Variants in ADGRL2 observed in about 807,000 individuals in gnomAD.
ADGRL2 encodes adhesion G protein-coupled receptor L2.
In ADGRL2, 44 loss-of-function variants were observed where a neutral mutation model predicts 157.4. That is an observed-to-expected ratio of 0.28 (90% CI 0.22 to 0.36). The LOEUF (loss-of-function observed/expected upper bound fraction) is 0.36, where lower values mean the gene tolerates loss of function less well. Ranked by LOEUF, ADGRL2 falls within the 10% of genes least tolerant of loss-of-function variation. The pLI is 1.00. For synonymous variants in ADGRL2, 585 were observed against 624.7 expected (o/e 0.94, Z 0.95); for missense variants, 1,510 against 1,768.9 (o/e 0.85, Z 2.63).
chr1:81,894,913 G>A (rs74961718), intron 2 of ADGRL2, among the ~76,000 whole-genome samples: 4,127 of 152,024 alleles, frequency 0.027, 174 homozygotes, highest in African/African-American at 0.094. Context: ...GCCTTAAGTG[G>A]GTAAAAGGTT....
At chr1:81,798,450 A>C (rs2087703338), upstream of ADGRL2, among the ~76,000 whole-genome samples, 1 of 152,206 alleles carries the variant, frequency 6.6e-6, no homozygotes, top group Non-Finnish European at 1.5e-5. Context: ...CAGTATTCTT[A>C]AATGTAATTT....
intron 3 of ADGRL2, among the ~76,000 whole-genome samples, chr1:81,686,847 T>C (rs1049215276): frequency 1.3e-5 from 2 of 152,158 alleles, no homozygotes; most frequent in African/African-American, 4.8e-5. Context: ...TAATTGTCAT[T>C]CAGTTTGAAT....
chr1:81,428,482 G>A (rs1296532603), intron 1 of ADGRL2, among the ~76,000 whole-genome samples: 1 of 152,130 alleles, frequency 6.6e-6, no homozygotes, highest in African/African-American at 2.4e-5. Context: ...GAGAAGAGGT[G>A]TACACATTTA....
At chr1:81,856,332 C>T (rs2150642674) in intron 2 of ADGRL2, among the ~76,000 whole-genome samples, 1 of 152,232 alleles carries the variant, frequency 6.6e-6, no homozygotes, top group South Asian at 2.1e-4. Context: ...TTCTCTAGCT[C>T]TGGAATTGCT....
intron 1 of ADGRL2, among the ~76,000 whole-genome samples, chr1:81,388,603 G>A (rs1318463602): frequency 1.3e-5 from 2 of 152,112 alleles, no homozygotes; most frequent in African/African-American, 2.4e-5. Flanking sequence ...ATGAGTGAAT[G>A]TCCTTGTAAA....
rs1387173688 is a variant in ADGRL2 at position 81,991,002 on chromosome 1, C to G, written c.4267C>G (p.Leu1423Val). 6.2e-7 allele frequency: 1 copy of G among 1,614,040 alleles called. No individual in the cohort carries two copies. Among genetic ancestry groups the G allele is most frequent in the South Asian group, 1.1e-5 (1 of 91,084 alleles). Residue 1423 changes from leucine to valine, a missense_variant, in exon 24 of 24, where the codon CTT becomes GTT. Physicochemically the swap from Leu to Val is conservative, Grantham distance 32. Transcript: ENST00000686636. Reference protein sequence around the residue: ...EDIYYKSMPNLGAGHQLQMCY... With the variant: ...EDIYYKSMPNVGAGHQLQMCY... ...CATTTACTATAAAAGCATGCCAAAT[C>G]TTGGAGCTGGCCATCAGCTTCAGAT...
intron 2 of ADGRL2, among the ~76,000 whole-genome samples, chr1:81,579,850 T>A (rs2080871354): frequency 6.6e-6 from 1 of 152,192 alleles, no homozygotes; most frequent in Non-Finnish European, 1.5e-5. Context: ...AGCTTTTTTT[T>A]TTACATTTGT....
chr1:81,461,930 AG>A (rs71693648), intron 2 of ADGRL2, among the ~76,000 whole-genome samples: 19,718 of 66,948 alleles, frequency 0.29, 1,783 homozygotes, highest in East Asian at 0.58. Flanking sequence ...AAAAGAAGAA[AG>A]GGGGGGGGGG....
chr1:81,363,137 G>A (rs1292693044), intron 1 of ADGRL2, among the ~76,000 whole-genome samples: 1 of 152,002 alleles, frequency 6.6e-6, no homozygotes, highest in Non-Finnish European at 1.5e-5. Flanking sequence ...GTATTTGGAT[G>A]TAATTAGTCA....
chr1:81,516,494 TAG>T (rs1364291136), intron 2 of ADGRL2, among the ~76,000 whole-genome samples: 42 of 152,354 alleles, frequency 2.8e-4, no homozygotes, highest in Admixed American at 7.2e-4. Context: ...ACCTGACTTT[TAG>T]AGTCTATAGT....
At chr1:81,378,146 T>C (rs890355001) in intron 1 of ADGRL2, among the ~76,000 whole-genome samples, 21 of 151,136 alleles carry the variant, frequency 1.4e-4, no homozygotes, top group African/African-American at 5.1e-4. Flanking sequence ...GCCACTGCAC[T>C]CCATCTTGGC....
intron 2 of ADGRL2, among the ~76,000 whole-genome samples, chr1:81,775,154 G>C (rs1328206112): frequency 6.6e-6 from 1 of 151,940 alleles, no homozygotes; most frequent in African/African-American, 2.4e-5. Context: ...AATTTTATCT[G>C]GTCCCCCATA....
At chr1:81,934,982 T>G (rs2095288806) in intron 3 of ADGRL2, among the ~76,000 whole-genome samples, 2 of 152,010 alleles carry the variant, frequency 1.3e-5, no homozygotes, top group Admixed American at 1.3e-4. Context: ...ATCAGTGAAC[T>G]GTCTTGTTGC....
upstream of ADGRL2, chr1:81,699,620 G>C (rs1274829291): frequency 1.3e-5 from 2 of 152,174 alleles, no homozygotes; most frequent in Non-Finnish European, 2.9e-5. Flanking sequence ...TATGACACCT[G>C]TCTGCTTAGG....
chr1:81,421,129 T>C (rs968434320), intron 1 of ADGRL2, among the ~76,000 whole-genome samples: 6 of 152,214 alleles, frequency 3.9e-5, no homozygotes, highest in African/African-American at 1.4e-4. Flanking sequence ...ATAAAATATT[T>C]AGGAATGCAC....
At chr1:81,322,178 A>C (rs143538826) in intron 1 of ADGRL2, among the ~76,000 whole-genome samples, 1 of 149,594 alleles carries the variant, frequency 6.7e-6, no homozygotes, top group African/African-American at 2.4e-5. Flanking sequence ...GTACATGTAT[A>C]TACATATACA....
intron 1 of ADGRL2, among the ~76,000 whole-genome samples, chr1:81,435,501 G>A (rs1281999668): frequency 6.6e-6 from 1 of 152,124 alleles, no homozygotes; most frequent in Non-Finnish European, 1.5e-5. Flanking sequence ...AATTTTAAAA[G>A]GGAAACCACT....
At chr1:81,533,618 G>A (rs1209312311) in intron 2 of ADGRL2, among the ~76,000 whole-genome samples, 5 of 152,032 alleles carry the variant, frequency 3.3e-5, no homozygotes, top group South Asian at 2.1e-4. Flanking sequence ...ATAAAATACC[G>A]AGAGCTACTC....
intron 3 of ADGRL2, among the ~76,000 whole-genome samples, chr1:81,637,567 G>T (rs1650895867): frequency 6.6e-6 from 1 of 152,034 alleles, no homozygotes; most frequent in Non-Finnish European, 1.5e-5. Context: ...TATCAAAGGG[G>T]GTGGGGAATA....
Sources: allele counts gnomAD v4.1 joint callset (sites outside exome capture counted in the v4.1 genomes callset), GRCh38; gene constraint gnomAD v4.1.1; transcripts MANE v1.5; gene names NCBI Gene and HGNC (gene_info 2026-07-23, HGNC 2026-07-21).